Variants in MRTFB observed in about 807,000 individuals in gnomAD.
The protein encoded by MRTFB is myocardin-related transcription factor B.
In MRTFB, 29 loss-of-function variants were observed where a neutral mutation model predicts 104.2. That is an observed-to-expected ratio of 0.28 (90% confidence interval 0.21 to 0.38). MRTFB has a LOEUF of 0.38. Among genes scored for constraint, MRTFB ranks in the 10% least tolerant of loss-of-function variants. MRTFB has a pLI of 1.00. For missense variants in MRTFB, 1,270 were observed against 1,341.6 expected (o/e 0.95, Z 0.83); for synonymous variants, 535 against 519.5 (o/e 1.03, Z -0.41).
rs931265543 is a variant in MRTFB at position 14,252,757 on chromosome 16, T to G, written c.2703+255T>G. Among the ~76,000 whole-genome samples the G allele has an allele frequency of 3.9e-5, 6 of 152,336 alleles. No homozygotes were observed. In the South Asian group the frequency reaches 8.3e-4, roughly 21 times the overall value. On this transcript the variant is annotated intron_variant, in intron 15 of 16. Transcript: ENST00000571589. ...AGGGTTTATCTCTTAACTTTTCTTTTGGGGTAGGGGCATCAGTCATGTTAG... is the reference window on the plus strand; with the variant it reads ...AGGGTTTATCTCTTAACTTTTCTTTGGGGGTAGGGGCATCAGTCATGTTAG...
rs2034654635 is a variant in MRTFB, at chr16:14,085,494, C to T, written c.-64+6140C>T. On this transcript the variant is annotated intron_variant, in intron 2 of 16. Transcript: ENST00000571589. ...AAAAAAAGCGAAAAGGAAAATACAGCATTTAATAATATAGAATGCCTTTAA... is the reference window on the plus strand; with the variant it reads ...AAAAAAAGCGAAAAGGAAAATACAGTATTTAATAATATAGAATGCCTTTAA... 2.0e-5 allele frequency among the ~76,000 whole-genome samples: 3 copies of T among 148,412 alleles called. No homozygotes were observed. The South Asian group carries it at 6.5e-4, about 32-fold the overall frequency.
intron 8 of MRTFB, among the ~76,000 whole-genome samples, chr16:14,220,894 G>A (rs2041666410): frequency 6.6e-6 from 1 of 152,184 alleles, no homozygotes; most frequent in Non-Finnish European, 1.5e-5. Context: ...AGCTTTGCCT[G>A]TTAAATCATT....
chr16:14,231,249 A>G (rs1007879434), intron 8 of MRTFB, among the ~76,000 whole-genome samples: 2 of 151,886 alleles, frequency 1.3e-5, no homozygotes, highest in African/African-American at 4.9e-5. Context: ...TAACCTGCAC[A>G]TTGTGCACAT....
chr16:14,023,411 C>T, the MRTFB span, among the ~76,000 whole-genome samples: 1 of 152,116 alleles, frequency 6.6e-6, no homozygotes, highest in African/African-American at 2.4e-5. Context: ...TGCCACTGCA[C>T]TCCAGGCTGG....
chr16:14,100,712 T>C (rs1009753264), intron 2 of MRTFB, among the ~76,000 whole-genome samples: 5 of 152,244 alleles, frequency 3.3e-5, no homozygotes, highest in Non-Finnish European at 7.3e-5. Flanking sequence ...ATCTAATGTT[T>C]TCTTTGAGAG....
At chr16:14,199,202 C>A (rs1317944162) in intron 3 of MRTFB, among the ~76,000 whole-genome samples, 2 of 152,214 alleles carry the variant, frequency 1.3e-5, no homozygotes, top group Non-Finnish European at 2.9e-5. Context: ...AAAACTCTTA[C>A]ACACACCCTC....
chr16:14,078,665 A>G (rs957895776), intron 1 of MRTFB, among the ~76,000 whole-genome samples: 3 of 151,758 alleles, frequency 2.0e-5, no homozygotes, highest in East Asian at 1.9e-4. Context: ...TCAGGGCTCA[A>G]GCGATTTGCC....
rs747644210 is a variant in MRTFB, at chr16:14,218,988, C to T, written c.683C>T (p.Thr228Ile). The T allele has an allele frequency of 9.3e-6, 15 of 1,610,726 alleles. No individual in the cohort carries two copies. The highest frequency in any genetic ancestry group is 1.3e-5 in the Non-Finnish European group (15 of 1,178,390). Residue 228 changes from threonine (T) to isoleucine (I), a missense_variant, in exon 8 of 17, where the codon ACT (threonine) becomes ATT (isoleucine). Around this residue, in one of 3 missense-constraint regions of MRTFB, gnomAD observed 1,144 missense variants for 1,131.5 expected, o/e 1.01. Transcript: ENST00000571589. ...SESPSPVTTN[T>I]PAQFASVSPT... ...TCGCCATCTCCTGTGACTACAAACACTCCAGCGCAGGTATTATCTTTCTGG... is the reference window on the plus strand; with the variant it reads ...TCGCCATCTCCTGTGACTACAAACATTCCAGCGCAGGTATTATCTTTCTGG...
intron 1 of MRTFB, among the ~76,000 whole-genome samples, chr16:14,071,645 G>T (rs1009395912): frequency 2.6e-5 from 4 of 152,116 alleles, no homozygotes; most frequent in Admixed American, 1.3e-4. Context: ...TGCAGAGTTG[G>T]CCCTGCTGAC....
intron 3 of MRTFB, among the ~76,000 whole-genome samples, chr16:14,183,164 G>C (rs1242093976): frequency 6.6e-6 from 1 of 152,160 alleles, no homozygotes; most frequent in Non-Finnish European, 1.5e-5. Context: ...ACTTGAATTT[G>C]TGTATTACCT....
At chr16:13,997,939 G>A in the MRTFB span, among the ~76,000 whole-genome samples, 97,849 of 152,008 alleles carry the variant, frequency 0.64, 33,183 homozygotes, top group African/African-American at 0.83. Context: ...GAGAAAGGAG[G>A]GAGATACTCA....
chr16:14,258,242 A>G (rs780350388), intron 16 of MRTFB, 81 bp downstream of exon 16: 14 of 1,075,066 alleles, frequency 1.3e-5, no homozygotes, highest in Non-Finnish European at 1.8e-5. Flanking sequence ...AAGCACTCAT[A>G]GCTTATCTTT....
At chr16:14,058,719 T>A in the MRTFB span, among the ~76,000 whole-genome samples, 541 of 137,176 alleles carry the variant, frequency 3.9e-3, 1 homozygote, top group African/African-American at 0.014. Flanking sequence ...TTTGTTTTTT[T>A]TTTTTTTTTT....
At chr16:14,198,350 T>C (rs1489465763) in intron 3 of MRTFB, among the ~76,000 whole-genome samples, 4 of 152,232 alleles carry the variant, frequency 2.6e-5, no homozygotes, top group African/African-American at 9.6e-5. Flanking sequence ...AGGAGTAGAA[T>C]TGCTGGGCTG....
At chr16:13,999,054 G>A in the MRTFB span, among the ~76,000 whole-genome samples, 2 of 151,818 alleles carry the variant, frequency 1.3e-5, no homozygotes, top group African/African-American at 4.8e-5. Flanking sequence ...GCCAGGCGTG[G>A]TAGCATGTGC....
At chr16:14,093,293 A>G (rs2141988313) in intron 2 of MRTFB, among the ~76,000 whole-genome samples, 1 of 151,660 alleles carries the variant, frequency 6.6e-6, no homozygotes, top group African/African-American at 2.4e-5. Flanking sequence ...TATTACTTTT[A>G]TAGGCCAAGC....
the MRTFB span, among the ~76,000 whole-genome samples, chr16:14,032,678 TG>T: frequency 6.6e-6 from 1 of 152,062 alleles, no homozygotes; most frequent in African/African-American, 2.4e-5. Flanking sequence ...GAGGCTGAAG[TG>T]GGGGCAGTCT....
intron 10 of MRTFB, among the ~76,000 whole-genome samples, chr16:14,245,196 T>C (rs942229188): frequency 6.6e-6 from 1 of 152,224 alleles, no homozygotes; most frequent in African/African-American, 2.4e-5. Flanking sequence ...TGTCCCTGTA[T>C]CAGCAACATC....
At chr16:14,252,096 G>C (rs1265477419) in intron 14 of MRTFB, 73 bp downstream of exon 14, 1 of 1,511,714 alleles carries the variant, frequency 6.6e-7, no homozygotes, top group Admixed American at 2.0e-5. Flanking sequence ...CTAGTGCTTT[G>C]GGCTTGGAGT....
Sources: gnomAD v4.1 joint callset for allele counts (sites outside exome capture counted in the v4.1 genomes callset) on GRCh38, gnomAD v4.1.1 for gene constraint, gnomAD v4.1.1 regional missense constraint, MANE v1.5 for transcripts, NCBI Gene and HGNC (gene_info 2026-07-23, HGNC 2026-07-21) for gene names.